SUZ12: variants seen among roughly 807,000 people sequenced by gnomAD.
The protein encoded by SUZ12 is SUZ12 polycomb repressive complex 2 subunit.
A neutral mutation model predicts 87.3 loss-of-function variants in SUZ12; 17 were observed. The observed-to-expected ratio is 0.19, with a 90% CI of 0.13 to 0.29. SUZ12 has a LOEUF of 0.29. Among genes scored for constraint, SUZ12 ranks in the 10% least tolerant of loss-of-function variants. The pLI is 1.00. For synonymous variants in SUZ12, 253 were observed against 312.4 expected, an observed-to-expected ratio of 0.81 and a Z score of 2.01; for missense variants, 526 against 912.2, an observed-to-expected ratio of 0.58 and a Z score of 5.45.
chr17:31,956,148 C>G (rs1034209317), intron 4 of SUZ12, among the ~76,000 whole-genome samples: 8 of 151,244 alleles, frequency 5.3e-5, no homozygotes, highest in South Asian at 2.1e-4. Flanking sequence ...CTCCTGACCC[C>G]GTGATCTGTC....
chr17:31,944,765 A>G (rs1306797362), intron 3 of SUZ12, among the ~76,000 whole-genome samples: 2 of 152,084 alleles, frequency 1.3e-5, no homozygotes, highest in African/African-American at 4.8e-5. Context: ...TTAGTACTTA[A>G]CCTTACGTAA....
chr17:31,941,013 GA>G (rs796817018), intron 3 of SUZ12, among the ~76,000 whole-genome samples: 9 of 144,006 alleles, frequency 6.2e-5, no homozygotes, highest in African/African-American at 2.0e-4. Context: ...CTACCTCAAA[GA>G]AAAAAAAAAC....
In SUZ12 at chr17:31,973,164, C is replaced by T. The variant is rs901734535; in HGVS notation, c.524C>T (p.Ser175Leu). 2.6e-6 allele frequency: 4 copies of T among 1,554,408 alleles called. No homozygotes were observed. The African/African-American group carries it at 5.6e-5, about 22-fold the overall frequency. ...FHKNDKPSPN[S>L]ENEQNSVTLE... ...TATTTAGATAAGCCATCACCAAACT[C>T]AGAAAATGAACAAAATTCTGTTACC... The change falls in exon 6 of 16, where the codon TCA becomes TTA. Residue 175 changes from serine to leucine, a missense_variant. Transcript: ENST00000322652.
At chr17:31,946,480 C>T (rs762364944) in intron 3 of SUZ12, among the ~76,000 whole-genome samples, 16 of 152,160 alleles carry the variant, frequency 1.1e-4, no homozygotes, top group Middle Eastern at 6.8e-3. Flanking sequence ...TGCAGTGAGC[C>T]GAGATCACGT....
At position 31,993,310 on chromosome 17, in the gene SUZ12, C is replaced by G. The variant is rs1483846342; in HGVS notation, c.1270C>G (p.Gln424Glu). Reference protein sequence around the residue: ...KEKDTPNENRQKLRIFYQFLY... With the variant: ...KEKDTPNENREKLRIFYQFLY... ...AAAGGATACTCCAAATGAAAACCGA[C>G]AAAAATTAAGAATATTTTATCAGGT... The change falls in exon 11 of 16, where the codon CAA becomes GAA. Residue 424 changes from glutamine (Q) to glutamate (E), a missense_variant. Gln to Glu is a conservative substitution (Grantham distance 29). Around this residue, in one of 9 missense-constraint regions of SUZ12, gnomAD observed 85 missense variants for 87.4 expected, o/e 0.97. Coordinates refer to ENST00000322652, the MANE Select transcript of SUZ12 (RefSeq NM_015355.4). The G allele has an allele frequency of 6.3e-7, 1 of 1,578,224 alleles. No individual in the cohort carries two copies.
At chr17:31,948,242 T>C (rs1280661237) in intron 4 of SUZ12, among the ~76,000 whole-genome samples, 2 of 152,208 alleles carry the variant, frequency 1.3e-5, no homozygotes, top group Admixed American at 6.5e-5. Flanking sequence ...ATCAAATATA[T>C]ACCTAGAACG....
At chr17:31,955,480 G>A (rs1269080477) in intron 4 of SUZ12, among the ~76,000 whole-genome samples, 1 of 152,062 alleles carries the variant, frequency 6.6e-6, no homozygotes, top group Non-Finnish European at 1.5e-5. Flanking sequence ...GGGGCACGGT[G>A]ACTCATGCCT....
intron 9 of SUZ12, among the ~76,000 whole-genome samples, chr17:31,986,906 T>TA (rs1169873300): frequency 2.0e-5 from 3 of 152,218 alleles, no homozygotes; most frequent in Non-Finnish European, 4.4e-5. Flanking sequence ...AGAAGGAGTT[T>TA]AGGCCTCTGT....
Position 31,937,329 on chromosome 17 carries a change from C to T in SUZ12, c.83C>T (p.Ser28Leu). The change falls in exon 1 of 16, where the codon TCG becomes TTG. Residue 28 changes from serine (S) to leucine (L), a missense_variant. By Grantham distance (145) the Ser-to-Leu change is moderately radical. This residue lies in a region of SUZ12 where 92 missense variants were observed against 109.9 expected (regional missense o/e 0.84). Coordinates refer to ENST00000322652, the MANE Select transcript of SUZ12 (RefSeq NM_015355.4). ...TCCGGGGGAGGCGGCTTCGGGGGTT[C>T]GGCGGCGGTGGCGGCGGCGACGGCT... is the stretch of plus-strand genomic sequence containing the variant. ...AGSGGGGFGG[S>L]AAVAAATASG... is the part of the protein sequence containing the mutation. 5 of 1,465,446 alleles carry T rather than the reference C, an allele frequency of 3.4e-6. No individual in the cohort carries two copies. Among genetic ancestry groups the T allele is most frequent in the South Asian group, 1.3e-5 (1 of 74,518 alleles). 90.8% of individuals were successfully genotyped at this position (1,465,446 alleles called of 1,614,324 possible).
intron 9 of SUZ12, among the ~76,000 whole-genome samples, chr17:31,985,409 T>A (rs1909350361): frequency 6.6e-6 from 1 of 151,502 alleles, no homozygotes; most frequent in Admixed American, 6.6e-5. Flanking sequence ...ATTTCCATAT[T>A]AAATTTTTAC....
rs2142112413 is a variant in SUZ12 at position 31,937,173 on chromosome 17, G to C, written c.-74G>C. On this transcript the variant is annotated 5_prime_UTR_variant, in exon 1 of 16. Coordinates refer to ENST00000322652, the MANE Select transcript of SUZ12 (RefSeq NM_015355.4). ...TCCGCCGGAGCCTGCTGGGGCGAGC[G>C]GTTGGTATTGCAGGCGCTTGCTCTC... 1 of 1,282,564 alleles carries C rather than the reference G, an allele frequency of 7.8e-7. No homozygotes were observed. Among genetic ancestry groups the C allele is most frequent in the South Asian group, 1.9e-5 (1 of 53,626 alleles). The allele number at this position is 1,282,564 out of a possible 1,614,324, so 79.4% of individuals were successfully genotyped here.
chr17:31,994,272 C>A, intron 12 of SUZ12: 1 of 444,692 alleles, frequency 2.2e-6, no homozygotes, highest in Non-Finnish European at 3.9e-6. Context: ...TGTGTAGTGT[C>A]TCTAATTGAC....
chr17:31,947,449 A>G (rs1227246241), intron 3 of SUZ12, among the ~76,000 whole-genome samples, 168 bp from the exon 4 acceptor site: 4 of 152,198 alleles, frequency 2.6e-5, no homozygotes, highest in East Asian at 3.8e-4. Flanking sequence ...GTGCTGTATT[A>G]TACACCGTCT....
chr17:31,937,544 G>A (rs1439599845), intron 1 of SUZ12, 24 bp downstream of exon 1: 14 of 1,532,282 alleles, frequency 9.1e-6, no homozygotes, highest in Middle Eastern at 2.3e-4. Context: ...AGGCTTTGAG[G>A]GCAGGAAGAC....
intron 8 of SUZ12, among the ~76,000 whole-genome samples, chr17:31,976,846 C>G (rs1459684989): frequency 6.6e-6 from 1 of 152,062 alleles, no homozygotes; most frequent in Non-Finnish European, 1.5e-5. Flanking sequence ...CGAATATTTT[C>G]TGAGTGTCTA....
rs556359193 is a variant in SUZ12, at chr17:31,984,747, A to G, written c.1023+1643A>G. ...CAGTACTCAACCTTATTAGTACTCAAAGGCATGCAAATGCAGAGATACTTT... is the reference window on the plus strand; with the variant it reads ...CAGTACTCAACCTTATTAGTACTCAGAGGCATGCAAATGCAGAGATACTTT... On this transcript the variant is annotated intron_variant, in intron 9 of 15. Transcript: ENST00000322652. Among the ~76,000 whole-genome samples, 30 of 152,374 alleles carry G rather than the reference A, an allele frequency of 2.0e-4. No homozygotes were observed. In the East Asian group the frequency reaches 5.6e-3, roughly 28 times the overall value.
In SUZ12 at chr17:31,950,029, CTTG is replaced by C. The variant is rs1449152981; in HGVS notation, c.455+2349_455+2351del. On this transcript the variant is annotated intron_variant, in intron 4 of 15. Coordinates refer to ENST00000322652, the MANE Select transcript of SUZ12 (RefSeq NM_015355.4). ...ATTTATTTTGAAACGGAGGTTTGCT[CTTG>C]TTGTGCAGGCTGGAATGCAATGGCG... Among the ~76,000 whole-genome samples, 11 of 151,960 alleles carry C rather than the reference CTTG, an allele frequency of 7.2e-5. No individual in the cohort carries two copies. In the South Asian group the frequency reaches 1.9e-3, roughly 26 times the overall value.
chr17:31,979,061 G>C (rs954676036), intron 8 of SUZ12, among the ~76,000 whole-genome samples: 19 of 143,300 alleles, frequency 1.3e-4, no homozygotes, highest in African/African-American at 5.0e-4. Context: ...AGTTGAGATC[G>C]CGCCGCTGCA....
chr17:31,991,709 A>G (rs544416933), intron 10 of SUZ12, among the ~76,000 whole-genome samples: 16 of 151,944 alleles, frequency 1.1e-4, no homozygotes, highest in South Asian at 6.3e-4. Flanking sequence ...GGTTCAAGCA[A>G]TTCTCCTGCC....
Sources: gnomAD v4.1 joint callset for allele counts (sites outside exome capture counted in the v4.1 genomes callset) on GRCh38, gnomAD v4.1.1 for gene constraint, gnomAD v4.1.1 regional missense constraint, MANE v1.5 for transcripts, NCBI Gene and HGNC (gene_info 2026-07-23, HGNC 2026-07-21) for gene names.